NAALADL2: variants seen among roughly 807,000 people sequenced by gnomAD.
The protein encoded by NAALADL2 is inactive N-acetylated-alpha-linked acidic dipeptidase-like protein 2.
A neutral mutation model predicts 87.2 loss-of-function variants in NAALADL2; 76 were observed. That is an observed-to-expected ratio of 0.87 (90% CI 0.72 to 1.05). The LOEUF is 1.05. Ranked by LOEUF, NAALADL2 falls within the 50% of genes least tolerant of loss-of-function variation. The pLI, the probability that NAALADL2 is intolerant of heterozygous loss-of-function variation, is 0.00. For missense variants in NAALADL2, 1,089 were observed against 945.8 expected (o/e 1.15, Z -1.99); for synonymous variants, 354 against 331.0 (o/e 1.07, Z -0.75).
intron 1 of NAALADL2, among the ~76,000 whole-genome samples, chr3:174,986,165 T>G (rs1310860587): frequency 6.6e-6 from 1 of 151,084 alleles, no homozygotes; most frequent in African/African-American, 2.4e-5. Flanking sequence ...GCATCATATA[T>G]ACAAATTTCT....
At chr3:174,982,802 A>AT (rs1317804962) in intron 1 of NAALADL2, among the ~76,000 whole-genome samples, 160 of 149,358 alleles carry the variant, frequency 1.1e-3, no homozygotes, top group African/African-American at 2.4e-3. Flanking sequence ...CCAGGTTAAA[A>AT]TTTTTTTTTT....
At chr3:174,707,966 C>T (rs974073903) in intron 2 of NAALADL2, among the ~76,000 whole-genome samples, 3 of 151,884 alleles carry the variant, frequency 2.0e-5, no homozygotes, top group Non-Finnish European at 4.4e-5. Flanking sequence ...CATAAACATA[C>T]TAATATTTAG....
chr3:175,102,994 A>G (rs1316591204), intron 2 of NAALADL2, among the ~76,000 whole-genome samples: 1 of 151,946 alleles, frequency 6.6e-6, no homozygotes, highest in Non-Finnish European at 1.5e-5. Flanking sequence ...CTGTAGTCCC[A>G]GCCACTTGGG....
intron 13 of NAALADL2, among the ~76,000 whole-genome samples, chr3:175,789,216 T>G (rs78140854): frequency 6.6e-6 from 1 of 152,314 alleles, no homozygotes; most frequent in East Asian, 1.9e-4. Flanking sequence ...TAATAAATAC[T>G]TGATGAATGA....
chr3:175,148,544 G>A (rs1054051018), intron 2 of NAALADL2, among the ~76,000 whole-genome samples: 2 of 151,884 alleles, frequency 1.3e-5, no homozygotes, highest in Non-Finnish European at 2.9e-5. Context: ...GTGTTTCCTG[G>A]GTTTTCTGCT....
At chr3:175,413,077 G>A (rs868400804) in intron 5 of NAALADL2, among the ~76,000 whole-genome samples, 28 of 147,904 alleles carry the variant, frequency 1.9e-4, no homozygotes, top group Non-Finnish European at 2.4e-4. Flanking sequence ...TTTTAGTAGA[G>A]ATGGGGTTTC....
chr3:174,764,364 C>T (rs1323058939), intron 3 of NAALADL2, among the ~76,000 whole-genome samples: 1 of 152,194 alleles, frequency 6.6e-6, no homozygotes, highest in Non-Finnish European at 1.5e-5. Flanking sequence ...CTTATGCCTG[C>T]ACTTTGGGAG....
intron 5 of NAALADL2, among the ~76,000 whole-genome samples, chr3:175,444,476 G>A (rs1280795157): frequency 2.0e-5 from 3 of 152,004 alleles, no homozygotes; most frequent in Non-Finnish European, 4.4e-5. Context: ...ATCCCCTTTG[G>A]TTTACCTCAG....
At chr3:174,943,046 C>G (rs1010142708) in intron 1 of NAALADL2, among the ~76,000 whole-genome samples, 1 of 152,184 alleles carries the variant, frequency 6.6e-6, no homozygotes, top group Admixed American at 6.5e-5. Context: ...TTTCAGGCAG[C>G]TAGCCTGCTT....
chr3:174,829,091 T>G (rs1304408551), intron 3 of NAALADL2, among the ~76,000 whole-genome samples: 3 of 145,868 alleles, frequency 2.1e-5, no homozygotes, highest in South Asian at 4.5e-4. Context: ...ATTACATCTG[T>G]TTTTTTTTGT....
intron 1 of NAALADL2, among the ~76,000 whole-genome samples, chr3:175,043,433 T>A (rs1216071814): frequency 6.6e-6 from 1 of 152,096 alleles, no homozygotes; most frequent in Non-Finnish European, 1.5e-5. Context: ...GAGATGGGAT[T>A]TTATCACATT....
intron 5 of NAALADL2, among the ~76,000 whole-genome samples, chr3:175,382,673 T>C (rs1767927488): frequency 6.6e-6 from 1 of 151,846 alleles, no homozygotes; most frequent in Admixed American, 6.6e-5. Flanking sequence ...CAATTATATA[T>C]TGCCACCAGC....
chr3:174,643,615 C>T (rs553901720), intron 2 of NAALADL2, among the ~76,000 whole-genome samples: 152 of 152,260 alleles, frequency 1.0e-3, no homozygotes, highest in Non-Finnish European at 1.7e-3. Context: ...GATTATGCCA[C>T]TGCACTCCAG....
At chr3:175,333,521 CAG>C (rs1761645680) in intron 5 of NAALADL2, among the ~76,000 whole-genome samples, 1 of 152,098 alleles carries the variant, frequency 6.6e-6, no homozygotes, top group African/African-American at 2.4e-5. Flanking sequence ...TTTACAGCAA[CAG>C]GGGTGGAACT....
intron 11 of NAALADL2, among the ~76,000 whole-genome samples, chr3:175,639,250 C>T (rs1188232191): frequency 3.3e-5 from 5 of 151,452 alleles, no homozygotes; most frequent in African/African-American, 1.2e-4. Context: ...AATTACTTCA[C>T]TTGTTCATAC....
intron 11 of NAALADL2, among the ~76,000 whole-genome samples, chr3:175,663,800 A>C (rs1208689821): frequency 6.6e-6 from 1 of 151,910 alleles, no homozygotes; most frequent in Non-Finnish European, 1.5e-5. Context: ...AAATTTGAAA[A>C]TTTGGATTGG....
At chr3:174,861,418 A>G (rs536523955) in intron 1 of NAALADL2, among the ~76,000 whole-genome samples, 17 of 152,214 alleles carry the variant, frequency 1.1e-4, no homozygotes, top group African/African-American at 2.6e-4. Flanking sequence ...GAGTTTCAAA[A>G]TGACCAAAGT....
intron 1 of NAALADL2, among the ~76,000 whole-genome samples, chr3:175,048,350 T>G (rs569150983): frequency 6.6e-6 from 1 of 152,132 alleles, no homozygotes; most frequent in African/African-American, 2.4e-5. Flanking sequence ...TCTTTTTTTC[T>G]ACTGCATTTT....
intron 5 of NAALADL2, among the ~76,000 whole-genome samples, chr3:175,372,236 C>T (rs1476551613): frequency 1.3e-5 from 2 of 152,140 alleles, no homozygotes; most frequent in Non-Finnish European, 2.9e-5. Flanking sequence ...TCCATCATTA[C>T]ATTTTTCATC....
Sources: gnomAD v4.1 joint callset for allele counts (sites outside exome capture counted in the v4.1 genomes callset) on GRCh38, gnomAD v4.1.1 for gene constraint, MANE v1.5 for transcripts, NCBI Gene and HGNC (gene_info 2026-07-23, HGNC 2026-07-21) for gene names.